The following PRH1 variants were observed in gnomAD, a reference collection of about 807,000 sequenced individuals.
PRH1 encodes the protein salivary acidic proline-rich phosphoprotein 1/2.
In PRH1, 7 loss-of-function variants were observed where a neutral mutation model predicts 7.9. The ratio of observed to expected loss-of-function variants is 0.89; its 90% confidence interval spans 0.50 to 1.67. The LOEUF (loss-of-function observed/expected upper bound fraction) is 1.67, where lower values mean the gene tolerates loss of function less well. Ranked by LOEUF, PRH1 falls within the 40% of genes most tolerant of loss-of-function variation. The probability of loss-of-function intolerance (pLI) is 0.00; values close to 1 mark genes in which losing one functional copy is unlikely to be tolerated. For missense variants in PRH1, 109 were observed against 223.6 expected (o/e 0.49, Z 3.27); for synonymous variants, 45 against 80.8 (o/e 0.56, Z 2.38).
At chr12:10,990,191 A>C (rs545082883) in intron 1 of PRH1, among the ~76,000 whole-genome samples, 1 of 152,346 alleles carries the variant, frequency 6.6e-6, no homozygotes, top group Admixed American at 6.5e-5. Flanking sequence ...AACTCATGAC[A>C]AAGGTGCCAA....
At chr12:10,955,844 G>C (rs998465960) in intron 2 of PRH1, among the ~76,000 whole-genome samples, 1 of 151,880 alleles carries the variant, frequency 6.6e-6, no homozygotes, top group South Asian at 2.1e-4. Context: ...TGGATAAACT[G>C]CTGGATATGT....
upstream of PRH1, among the ~76,000 whole-genome samples, chr12:10,884,908 T>A (rs1364393138): frequency 6.6e-6 from 1 of 152,192 alleles, no homozygotes; most frequent in Non-Finnish European, 1.5e-5. Context: ...CTTGGTGCTA[T>A]ACAACACAGG....
At chr12:11,164,542 T>C (rs1947515834) in intron 1 of PRH1, among the ~76,000 whole-genome samples, 1 of 152,226 alleles carries the variant, frequency 6.6e-6, no homozygotes, top group Non-Finnish European at 1.5e-5. Context: ...GCATAGAGGA[T>C]GCAAGTAGCT....
chr12:11,167,832 G>A (rs867726314), intron 1 of PRH1, among the ~76,000 whole-genome samples: 3 of 152,114 alleles, frequency 2.0e-5, no homozygotes, highest in African/African-American at 7.2e-5. Context: ...ATTCTCTTTT[G>A]GTCTACTGCT....
In PRH1 at chr12:11,099,699, A is replaced by C. The variant is rs564958047; in HGVS notation, n.124-52511T>G. On this transcript the variant is annotated intron_variant and non_coding_transcript_variant, in intron 1 of 4. Coordinates refer to the PRH1 transcript ENST00000541977. ...GCAACAGAGTGAGACTCCATCTCAA[A>C]AAACAGAAAACACACACACACACAA... 2.0e-5 allele frequency among the ~76,000 whole-genome samples: 3 copies of C among 152,286 alleles called. No individual in the cohort carries two copies. In the South Asian group the frequency reaches 6.2e-4, roughly 32 times the overall value.
At chr12:10,968,703 C>T (rs530449815) in intron 2 of PRH1, among the ~76,000 whole-genome samples, 2 of 152,330 alleles carry the variant, frequency 1.3e-5, no homozygotes, top group Admixed American at 6.5e-5. Flanking sequence ...GAAATCCACT[C>T]GCTGGGACCC....
At chr12:10,948,950 T>C (rs1173924545) in intron 2 of PRH1, among the ~76,000 whole-genome samples, 2 of 151,922 alleles carry the variant, frequency 1.3e-5, no homozygotes, top group African/African-American at 4.8e-5. Flanking sequence ...ATTGGTCAGT[T>C]GATAGACTGT....
intron 2 of PRH1, chr12:10,909,243 A>G (rs771622960): frequency 6.8e-6 from 11 of 1,613,630 alleles, no homozygotes; most frequent in African/African-American, 4.0e-5. Flanking sequence ...CAAATTCCCA[A>G]TTATGAATTC....
intron 1 of PRH1, among the ~76,000 whole-genome samples, chr12:11,099,183 T>G (rs1165776428): frequency 6.6e-6 from 1 of 152,144 alleles, no homozygotes; most frequent in Non-Finnish European, 1.5e-5. Flanking sequence ...TTAACTTACT[T>G]TGATAAACAG....
Position 11,080,683 on chromosome 12 carries a change from C to T in PRH1, n.124-33495G>A, listed in dbSNP as rs1474885018. On this transcript the variant is annotated intron_variant and non_coding_transcript_variant, in intron 1 of 4. Coordinates refer to the PRH1 transcript ENST00000541977. ...TACAGTCAACATTTATTTAGAATTA[C>T]ACACTTATTTTTCATTGTCATTAAT... Among the ~76,000 whole-genome samples, 9 of 75,846 alleles carry T rather than the reference C, an allele frequency of 1.2e-4. 3 individuals carry two copies. Among genetic ancestry groups the T allele is most frequent in the African/African-American group, 3.5e-4 (9 of 25,928 alleles). 49.8% of individuals were successfully genotyped at this position (75,846 alleles called of 152,430 possible).
chr12:10,986,931 C>T (rs747849422), intron 1 of PRH1: 2 of 1,126,084 alleles, frequency 1.8e-6, no homozygotes, highest in Non-Finnish European at 2.4e-6. Context: ...ATACTCTGAC[C>T]TTAAATTTTA....
intron 1 of PRH1, among the ~76,000 whole-genome samples, chr12:11,028,014 A>G (rs1163737946): frequency 6.6e-6 from 1 of 152,218 alleles, no homozygotes; most frequent in Admixed American, 6.5e-5. Context: ...CAGTGGCACA[A>G]GGAGTGGCGG....
chr12:11,014,605 T>C (rs1941208382), intron 1 of PRH1, among the ~76,000 whole-genome samples: 1 of 151,994 alleles, frequency 6.6e-6, no homozygotes, highest in Non-Finnish European at 1.5e-5. Flanking sequence ...AAGTGGAAAA[T>C]CAAAGAACCT....
chr12:11,164,299 G>C (rs529923795), intron 1 of PRH1, among the ~76,000 whole-genome samples: 1 of 152,270 alleles, frequency 6.6e-6, no homozygotes, highest in East Asian at 1.9e-4. Flanking sequence ...CTCTCTTCTT[G>C]AGTGGAGACA....
intron 1 of PRH1, among the ~76,000 whole-genome samples, chr12:11,057,468 G>A (rs944738689): frequency 2.0e-5 from 3 of 151,480 alleles, no homozygotes; most frequent in African/African-American, 7.3e-5. Flanking sequence ...TAGAGTAAGG[G>A]ACATTATTAT....
At chr12:10,928,861 C>T (rs1328213869) in intron 2 of PRH1, among the ~76,000 whole-genome samples, 1 of 152,108 alleles carries the variant, frequency 6.6e-6, no homozygotes, top group Non-Finnish European at 1.5e-5. Flanking sequence ...GCTGCCCAAC[C>T]CCCTGACACA....
upstream of PRH1, among the ~76,000 whole-genome samples, chr12:10,886,814 G>A (rs756962773): frequency 1.7e-4 from 26 of 152,112 alleles, no homozygotes; most frequent in Non-Finnish European, 2.4e-4. Flanking sequence ...TGCATTAGCC[G>A]ATCTAATTGC....
intron 1 of PRH1, chr12:11,061,455 A>T (rs1446373034): frequency 1.9e-6 from 3 of 1,614,158 alleles, no homozygotes; most frequent in South Asian, 2.2e-5. Context: ...TGTTTCCCCA[A>T]ATCAGGATGA....
intron 2 of PRH1, among the ~76,000 whole-genome samples, chr12:10,905,281 A>T (rs1450757086): frequency 3.3e-5 from 5 of 151,718 alleles, no homozygotes. Flanking sequence ...AAAATAAATC[A>T]TTCTACCAGA....
Sources: gnomAD v4.1 joint callset for allele counts (sites outside exome capture counted in the v4.1 genomes callset) on GRCh38, gnomAD v4.1.1 for gene constraint, MANE v1.5 for transcripts, NCBI Gene and HGNC (gene_info 2026-07-23, HGNC 2026-07-21) for gene names.